The following DBNDD1 variants were observed in gnomAD, a reference collection of about 807,000 sequenced individuals.
DBNDD1 encodes dysbindin domain-containing protein 1.
Under a neutral mutation model 17.0 loss-of-function variants are expected in DBNDD1, and 14 were observed. The observed-to-expected ratio is 0.82, with a 90% CI of 0.54 to 1.29. DBNDD1 has a LOEUF of 1.29. Ranked by LOEUF, DBNDD1 falls within the 50% of genes most tolerant of loss-of-function variation. DBNDD1 has a pLI of 0.00. For synonymous variants in DBNDD1, 105 were observed against 102.0 expected (o/e 1.03, Z -0.18); for missense variants, 221 against 216.2 (o/e 1.02, Z -0.14).
chr16:90,008,826 C>G lies in DBNDD1; in HGVS notation c.277G>C (p.Ala93Pro). 1 of 1,604,598 alleles carries G rather than the reference C, an allele frequency of 6.2e-7. No homozygotes were observed. The highest frequency in any genetic ancestry group is 8.5e-7 in the Non-Finnish European group (1 of 1,173,718). The change falls in exon 3 of 4, where the codon GCT becomes CCT. Residue 93 changes from alanine (A) to proline (P), a missense_variant. Transcript: ENST00000002501. Reference protein sequence around the residue: ...MSDQELAEVFADSDDENLNTE... With the variant: ...MSDQELAEVFPDSDDENLNTE... ...TTGAGGTTCTCGTCGTCCGAGTCAG[C>G]AAAGACCTCGGCCAGCTCCTGGTCC... is the stretch of plus-strand genomic sequence containing the variant.
At chr16:90,006,519 G>A (rs775788146) in intron 3 of DBNDD1, 27 bp from the exon 4 acceptor site, 7 of 1,590,590 alleles carry the variant, frequency 4.4e-6, no homozygotes, top group East Asian at 2.2e-5. Flanking sequence ...AGGGGAACTC[G>A]GTGTGGCTGA....
intron 1 of DBNDD1, among the ~76,000 whole-genome samples, chr16:90,017,589 G>A (rs958893977): frequency 2.0e-5 from 3 of 152,242 alleles, no homozygotes; most frequent in Non-Finnish European, 2.9e-5. Flanking sequence ...ATGAAGGGAG[G>A]TTGGTGGTAG....
chr16:90,011,839 G>T, intron 1 of DBNDD1: 1 of 330,828 alleles, frequency 3.0e-6, no homozygotes. Context: ...GCTGTGAGCA[G>T]GGGGACCTCC....
chr16:90,016,912 GC>G (rs1338556298), intron 1 of DBNDD1, among the ~76,000 whole-genome samples: 1 of 152,188 alleles, frequency 6.6e-6, no homozygotes. Context: ...GGGGCCACCT[GC>G]CCCCCATCCC....
At chr16:90,011,062 G>C (rs2035546084) in intron 1 of DBNDD1, among the ~76,000 whole-genome samples, 1 of 152,252 alleles carries the variant, frequency 6.6e-6, no homozygotes, top group African/African-American at 2.4e-5. Context: ...TGGGTGCCCA[G>C]CGCACGCTTG....
In DBNDD1 at chr16:90,019,171, G is replaced by C; in HGVS notation, c.31+140C>G. 1 of 369,138 alleles carries C rather than the reference G, an allele frequency of 2.7e-6. No individual in the cohort carries two copies. Among genetic ancestry groups the C allele is most frequent in the Non-Finnish European group, 4.6e-6 (1 of 215,098 alleles). The allele number at this position is 369,138 out of a possible 1,614,324, so 22.9% of individuals were successfully genotyped here. A position where few individuals can be genotyped will look rare whatever the true frequency, so the allele number is the denominator to read the frequency against. ...GGGACCGCGCCCGGGAGGTGCCCCT[G>C]GCCCGCCGGACGACCCCGAGCTGCC... On this transcript the variant is annotated intron_variant, in intron 1 of 3. Coordinates refer to ENST00000002501, the MANE Select transcript of DBNDD1 (RefSeq NM_001042610.3). The surrounding 1 kb of genome is among the most constrained non-coding windows in gnomAD (Gnocchi z 6.1).
chr16:90,016,921 C>G (rs2035650636), intron 1 of DBNDD1, among the ~76,000 whole-genome samples: 1 of 152,172 alleles, frequency 6.6e-6, no homozygotes. Context: ...TGCCCCCCAT[C>G]CCCCAGCACC....
At chr16:90,009,849 T>G (rs2035518067) in intron 1 of DBNDD1, 10 of 1,116,600 alleles carry the variant, frequency 9.0e-6, no homozygotes, top group Non-Finnish European at 1.2e-5. Flanking sequence ...CTTGGTCCCC[T>G]TCAAACCAGA....
At chr16:90,010,170 T>C in intron 1 of DBNDD1, 1 of 839,256 alleles carries the variant, frequency 1.2e-6, no homozygotes, top group Non-Finnish European at 1.9e-6. Context: ...CTCATCCCCC[T>C]GAGTAGATGG....
intron 1 of DBNDD1, among the ~76,000 whole-genome samples, chr16:90,014,150 T>G (rs2035600271): frequency 6.6e-6 from 1 of 151,648 alleles, no homozygotes; most frequent in South Asian, 2.1e-4. Context: ...TTTTTTGAGA[T>G]GGAGTCTCGC....
intron 1 of DBNDD1, among the ~76,000 whole-genome samples, chr16:90,013,692 C>G (rs2151263892): frequency 6.6e-6 from 1 of 152,332 alleles, no homozygotes; most frequent in African/African-American, 2.4e-5. Context: ...GGCGGGGCCC[C>G]TCATCTAGAC....
intron 3 of DBNDD1, among the ~76,000 whole-genome samples, chr16:90,008,056 A>G (rs57648806): frequency 1.7e-3 from 54 of 31,090 alleles, no homozygotes; most frequent in South Asian, 4.2e-3. Flanking sequence ...AGCCCACCAC[A>G]CACACCTCCC....
intron 1 of DBNDD1, 176 bp from the exon 2 acceptor site, chr16:90,009,606 G>C: frequency 3.2e-6 from 3 of 946,554 alleles, no homozygotes; most frequent in Non-Finnish European, 4.7e-6. Flanking sequence ...ACAAGGGGTT[G>C]AGGGGCTTCA....
At chr16:90,014,655 C>T (rs2035609672) in intron 1 of DBNDD1, among the ~76,000 whole-genome samples, 1 of 152,188 alleles carries the variant, frequency 6.6e-6, no homozygotes, top group Non-Finnish European at 1.5e-5. Context: ...AGCTCTAGCC[C>T]TGTGGAAGCT....
intron 1 of DBNDD1, chr16:90,009,801 C>A (rs992555786): frequency 2.6e-6 from 2 of 775,336 alleles, no homozygotes; most frequent in African/African-American, 1.8e-5. Context: ...GGCCCAGGGT[C>A]CCCTGAAGGA....
Position 90,009,977 on chromosome 16 carries a change from G to A in DBNDD1, c.32-547C>T, listed in dbSNP as rs902751494. The A allele has an allele frequency of 3.7e-6, 6 of 1,614,054 alleles. No individual in the cohort carries two copies. In the African/African-American group the frequency reaches 6.7e-5, roughly 18 times the overall value. On this transcript the variant is annotated intron_variant, in intron 1 of 3. Coordinates refer to ENST00000002501, the MANE Select transcript of DBNDD1 (RefSeq NM_001042610.3). ...CAAACCAGGAGGAATAGGCAGGCCT[G>A]CCATTCTGTGATCCCTTAGCCACCA...
intron 1 of DBNDD1, among the ~76,000 whole-genome samples, chr16:90,014,545 C>A (rs1229591817): frequency 6.6e-6 from 1 of 152,144 alleles, no homozygotes. Context: ...AAACAGCAAT[C>A]CCCTTCCCCA....
At chr16:90,009,604 T>C in intron 1 of DBNDD1, 174 bp from the exon 2 acceptor site, 4 of 950,614 alleles carry the variant, frequency 4.2e-6, no homozygotes, top group Non-Finnish European at 1.5e-6. Flanking sequence ...AGACAAGGGG[T>C]TGAGGGGCTT....
intron 1 of DBNDD1, among the ~76,000 whole-genome samples, chr16:90,013,262 TAAAAAAAAAA>T (rs59831191): frequency 0.023 from 1,127 of 49,160 alleles, 111 homozygotes; most frequent in African/African-American, 0.077. Context: ...AACCTTGCCT[TAAAAAAAAAA>T]AAAAAAAAAA....
Sources: gnomAD v4.1 joint callset for allele counts (sites outside exome capture counted in the v4.1 genomes callset) on GRCh38, gnomAD v4.1.1 for gene constraint, Gnocchi (gnomAD v3.1) non-coding constraint, MANE v1.5 for transcripts, NCBI Gene and HGNC (gene_info 2026-07-23, HGNC 2026-07-21) for gene names.